Variants in ADGRL3 observed in about 807,000 individuals in gnomAD.
The protein encoded by ADGRL3 is calcium-independent alpha-latrotoxin receptor 3.
Under a neutral mutation model 153.5 loss-of-function variants are expected in ADGRL3, and 62 were observed. The observed-to-expected ratio is 0.40, with a 90% CI of 0.33 to 0.50. The LOEUF (loss-of-function observed/expected upper bound fraction) is 0.50, where lower values mean the gene tolerates loss of function less well. ADGRL3 is among the 20% of genes least tolerant of loss of function. The probability of loss-of-function intolerance (pLI) is 0.47; values close to 1 mark genes in which losing one functional copy is unlikely to be tolerated. For missense variants in ADGRL3, 1,641 were observed against 1,859.4 expected, an observed-to-expected ratio of 0.88 and a Z score of 2.16; for synonymous variants, 710 against 672.5, an observed-to-expected ratio of 1.06 and a Z score of -0.86.
chr4:62,059,945 G>A (rs1393302933), intron 25 of ADGRL3, among the ~76,000 whole-genome samples: 5 of 152,020 alleles, frequency 3.3e-5, no homozygotes, highest in African/African-American at 1.2e-4. Context: ...AAACTGAAAA[G>A]GAAACTTATG....
At chr4:61,256,575 C>G (rs2091990374) in intron 1 of ADGRL3, among the ~76,000 whole-genome samples, 1 of 152,000 alleles carries the variant, frequency 6.6e-6, no homozygotes, top group East Asian at 1.9e-4. Flanking sequence ...AGATTAGCAT[C>G]TGTTGTTTGT....
intron 4 of ADGRL3, among the ~76,000 whole-genome samples, chr4:61,525,497 T>C (rs967364661): frequency 6.6e-6 from 1 of 152,112 alleles, no homozygotes; most frequent in Non-Finnish European, 1.5e-5. Context: ...TACATAATTG[T>C]GTCTGTAGTG....
chr4:61,207,681 C>T (rs1401379672), intron 1 of ADGRL3, among the ~76,000 whole-genome samples: 1 of 152,162 alleles, frequency 6.6e-6, no homozygotes, highest in Admixed American at 6.5e-5. Context: ...TAAAAGCATT[C>T]CTATTTCTCC....
In ADGRL3 at chr4:61,201,054, G is replaced by A. The variant is rs1388038958; in HGVS notation, c.-951G>A. On this transcript the variant is annotated 5_prime_UTR_variant, in exon 1 of 27. Transcript: ENST00000683033. ...CCTCGGCTGGGAGAGAGCCTCGGGA[G>A]GACGAAGAGGAGGACGGTTTGGCGG... 1.3e-5 allele frequency among the ~76,000 whole-genome samples: 2 copies of A among 152,156 alleles called. No homozygotes were observed. Among genetic ancestry groups the A allele is most frequent in the Non-Finnish European group, 2.9e-5 (2 of 68,020 alleles).
chr4:61,750,746 C>T (rs1356667489), intron 8 of ADGRL3, among the ~76,000 whole-genome samples: 2 of 150,726 alleles, frequency 1.3e-5, no homozygotes, highest in African/African-American at 2.5e-5. Flanking sequence ...GCCGAGATCC[C>T]GCCACTGCAC....
intron 1 of ADGRL3, among the ~76,000 whole-genome samples, chr4:61,354,391 AAATT>A (rs2096119591): frequency 6.6e-6 from 1 of 152,188 alleles, no homozygotes; most frequent in Non-Finnish European, 1.5e-5. Flanking sequence ...CCGCATATAT[AAATT>A]GTTTAAAAAA....
intron 3 of ADGRL3, among the ~76,000 whole-genome samples, chr4:61,503,646 A>G (rs1418901406): frequency 6.6e-6 from 1 of 151,990 alleles, no homozygotes; most frequent in Admixed American, 6.6e-5. Flanking sequence ...GTTTTAAGAG[A>G]TTTTTAGACT....
At chr4:61,399,888 CAG>C (rs1167337597) in intron 2 of ADGRL3, among the ~76,000 whole-genome samples, 2 of 151,668 alleles carry the variant, frequency 1.3e-5, no homozygotes, top group African/African-American at 2.4e-5. Context: ...GTTGAAATGA[CAG>C]AGTATAATTT....
chr4:61,999,912 T>G (rs902676327), intron 21 of ADGRL3, among the ~76,000 whole-genome samples: 4 of 152,162 alleles, frequency 2.6e-5, no homozygotes, highest in African/African-American at 4.8e-5. Flanking sequence ...TCAATATTAC[T>G]TAGTTGAGAT....
intron 9 of ADGRL3, among the ~76,000 whole-genome samples, chr4:61,850,453 A>G (rs2098188312): frequency 6.6e-6 from 1 of 152,158 alleles, no homozygotes; most frequent in Admixed American, 6.5e-5. Flanking sequence ...CTGATATCAG[A>G]CTTTCACTTC....
chr4:62,032,602 G>A (rs1722731389), intron 23 of ADGRL3, among the ~76,000 whole-genome samples: 1 of 151,548 alleles, frequency 6.6e-6, no homozygotes. Context: ...TTTAAAATTT[G>A]TGGGAAAGAA....
intron 1 of ADGRL3, among the ~76,000 whole-genome samples, chr4:61,362,203 A>G (rs558444892): frequency 1.3e-5 from 2 of 151,238 alleles, no homozygotes; most frequent in Admixed American, 6.6e-5. Flanking sequence ...GTGTTTCACT[A>G]TGTTGACCAG....
chr4:61,375,435 C>T (rs1397435814), intron 1 of ADGRL3, among the ~76,000 whole-genome samples: 1 of 151,950 alleles, frequency 6.6e-6, no homozygotes, highest in Non-Finnish European at 1.5e-5. Flanking sequence ...TAAACCGGGA[C>T]AAGATTTCCT....
At position 61,202,736 on chromosome 4, in the gene ADGRL3, C is replaced by T. The variant is rs1326369789; in HGVS notation, c.-240+971C>T. ...AGCTTAGGGTGCCAGGCCCCCAGCA[C>T]TATAGGTGGGTGTGTGTGTGTCTGT... On this transcript the variant is annotated intron_variant, in intron 1 of 26. Transcript: ENST00000683033. The surrounding 1 kb of genome is among the most constrained non-coding windows in gnomAD (Gnocchi z 5.0). 2.0e-5 allele frequency among the ~76,000 whole-genome samples: 3 copies of T among 152,104 alleles called. No homozygotes were observed. Among genetic ancestry groups the T allele is most frequent in the Non-Finnish European group, 4.4e-5 (3 of 68,018 alleles).
intron 4 of ADGRL3, among the ~76,000 whole-genome samples, chr4:61,562,481 C>G (rs1250693103): frequency 6.6e-6 from 1 of 152,218 alleles, no homozygotes; most frequent in Admixed American, 6.5e-5. Flanking sequence ...TAAAACTCTG[C>G]TGCTACCTTA....
At chr4:61,245,500 T>A (rs1756698244) in intron 1 of ADGRL3, among the ~76,000 whole-genome samples, 1 of 152,080 alleles carries the variant, frequency 6.6e-6, no homozygotes, top group South Asian at 2.1e-4. Flanking sequence ...AGTTTCTTTC[T>A]TTCGTGTACA....
At position 61,712,115 on chromosome 4, in the gene ADGRL3, C is replaced by T. The variant is rs113900304; in HGVS notation, c.584-18507C>T. ...CTTGGTTAGAAAGGAAGTTTTGGTCCGGGTTTGGTGGCTCATGAGTATAAT... is the reference window on the plus strand; with the variant it reads ...CTTGGTTAGAAAGGAAGTTTTGGTCTGGGTTTGGTGGCTCATGAGTATAAT... On this transcript the variant is annotated intron_variant, in intron 6 of 26. Coordinates refer to ENST00000683033, the MANE Select transcript of ADGRL3 (RefSeq NM_001387552.1). 8.5e-5 allele frequency among the ~76,000 whole-genome samples: 13 copies of T among 152,118 alleles called. 1 individual carries two copies. Among genetic ancestry groups the T allele is most frequent in the African/African-American group, 2.9e-4 (12 of 41,492 alleles).
chr4:62,041,457 AG>A (rs1300030555), intron 24 of ADGRL3, among the ~76,000 whole-genome samples: 1 of 152,074 alleles, frequency 6.6e-6, no homozygotes, highest in Non-Finnish European at 1.5e-5. Flanking sequence ...AAAATAAAAA[AG>A]TGAAATATGT....
intron 2 of ADGRL3, among the ~76,000 whole-genome samples, chr4:61,465,778 T>TATATATATATATATATATAC (rs2097874345): frequency 6.9e-6 from 1 of 145,202 alleles, no homozygotes; most frequent in South Asian, 2.1e-4. Context: ...TATATATATA[T>TATATATATATATATATATAC]CTTATATGGA....
Sources: gnomAD v4.1 joint callset for allele counts (sites outside exome capture counted in the v4.1 genomes callset) on GRCh38, gnomAD v4.1.1 for gene constraint, Gnocchi (gnomAD v3.1) non-coding constraint, MANE v1.5 for transcripts, NCBI Gene and HGNC (gene_info 2026-07-23, HGNC 2026-07-21) for gene names.